LOC112694756: variants seen among roughly 807,000 people sequenced by gnomAD.
the LOC112694756 span, chr16:30,069,972 G>T: frequency 6.2e-7 from 1 of 1,613,924 alleles, no homozygotes; most frequent in East Asian, 2.2e-5. Flanking sequence ...TGAAGGCCTG[G>T]GGCGGGAAGA....
the LOC112694756 span, among the ~76,000 whole-genome samples, chr16:30,053,755 T>C: frequency 1 from 152,283 of 152,318 alleles, 76,124 homozygotes; most frequent in Non-Finnish European, 1. Flanking sequence ...GAGGAAACAG[T>C]CTGGGGGTGA....
the LOC112694756 span, among the ~76,000 whole-genome samples, chr16:30,062,842 GAA>G: frequency 7.6e-5 from 9 of 117,680 alleles, no homozygotes; most frequent in Non-Finnish European, 1.1e-4. Context: ...CTCCATCTCG[GAA>G]AAAAAAAAAA....
chr16:30,068,622 ATGT>A, the LOC112694756 span: 23 of 1,613,826 alleles, frequency 1.4e-5, no homozygotes, highest in Non-Finnish European at 1.7e-5. Flanking sequence ...CTGTGTCTTA[ATGT>A]TGTTACCCTG....
chr16:30,068,418 A>G, the LOC112694756 span: 2 of 601,910 alleles, frequency 3.3e-6, no homozygotes, highest in Non-Finnish European at 6.0e-6. Flanking sequence ...CAGCCCTGAG[A>G]TGCAGTTTAA....
At chr16:30,069,652 A>G in the LOC112694756 span, 2 of 1,613,764 alleles carry the variant, frequency 1.2e-6, no homozygotes, top group Non-Finnish European at 1.7e-6. Flanking sequence ...GCTGCGCCGC[A>G]CAGTGCCCCC....
the LOC112694756 span, chr16:30,069,879 C>A: frequency 6.2e-7 from 1 of 1,614,174 alleles, no homozygotes; most frequent in African/African-American, 1.3e-5. Context: ...CGTCCATCAA[C>A]CTCAATGCCA....
chr16:30,059,333 T>TA, the LOC112694756 span, among the ~76,000 whole-genome samples: 2 of 151,278 alleles, frequency 1.3e-5, no homozygotes, highest in Non-Finnish European at 1.5e-5. Context: ...CCGTCTCTAC[T>TA]AAAATACAAA....
chr16:30,058,050 G>A, the LOC112694756 span, among the ~76,000 whole-genome samples: 115 of 152,264 alleles, frequency 7.6e-4, no homozygotes, highest in African/African-American at 2.6e-3. Context: ...TATTTGAAGT[G>A]AATAGCCAGG....
At chr16:30,058,649 C>T in the LOC112694756 span, among the ~76,000 whole-genome samples, 23 of 152,134 alleles carry the variant, frequency 1.5e-4, no homozygotes, top group African/African-American at 5.1e-4. Flanking sequence ...CCACACCTGG[C>T]TAATTTTTTG....
chr16:30,058,109 A>T, the LOC112694756 span, among the ~76,000 whole-genome samples: 2 of 152,078 alleles, frequency 1.3e-5, no homozygotes, highest in Non-Finnish European at 2.9e-5. Flanking sequence ...CATTGTAAGG[A>T]TAGACTGGGC....
At chr16:30,070,291 G>C in the LOC112694756 span, 1 of 1,425,118 alleles carries the variant, frequency 7.0e-7, no homozygotes, top group South Asian at 1.2e-5. Flanking sequence ...GCCTCCTCGG[G>C]GCTCCAGGCT....
chr16:30,059,283 G>A, the LOC112694756 span, among the ~76,000 whole-genome samples: 1 of 151,928 alleles, frequency 6.6e-6, no homozygotes, highest in African/African-American at 2.4e-5. Flanking sequence ...AGATCACAAG[G>A]TCAGGAGTTC....
chr16:30,066,905 G>T, the LOC112694756 span: 1 of 1,550,034 alleles, frequency 6.5e-7, no homozygotes, highest in Non-Finnish European at 8.7e-7. Context: ...CCCATGGCAA[G>T]GCGCAAGCCA....
At chr16:30,066,171 T>G in the LOC112694756 span, 1 of 152,286 alleles carries the variant, frequency 6.6e-6, no homozygotes, top group African/African-American at 2.4e-5. Context: ...TTCTCCCCCT[T>G]TTCTTGCAGG....
chr16:30,053,819 G>C, the LOC112694756 span, among the ~76,000 whole-genome samples: 1 of 152,164 alleles, frequency 6.6e-6, no homozygotes, highest in Non-Finnish European at 1.5e-5. Context: ...GTTTGGAAGA[G>C]GGGGAGGGAG....
chr16:30,068,229 A>AT, the LOC112694756 span: 19 of 316,550 alleles, frequency 6.0e-5, no homozygotes, highest in Admixed American at 1.3e-4. Context: ...CACCCGGCTA[A>AT]TTTTTTTTGT....
the LOC112694756 span, chr16:30,070,307 G>A: frequency 1.1e-5 from 13 of 1,231,196 alleles, no homozygotes; most frequent in Non-Finnish European, 1.5e-5. Context: ...AGGCTGGCTT[G>A]CCCGCGCTCT....
At chr16:30,063,946 G>C in the LOC112694756 span, 194 of 399,052 alleles carry the variant, frequency 4.9e-4, 1 homozygote, top group East Asian at 6.2e-3. Flanking sequence ...CAGATGGCCT[G>C]CCGAGCACCC....
the LOC112694756 span, among the ~76,000 whole-genome samples, chr16:30,056,107 T>G: frequency 0.012 from 1,703 of 138,706 alleles, 27 homozygotes; most frequent in African/African-American, 0.042. Context: ...CAGCCATGGT[T>G]TTTTTTTTTT....
Sources: gnomAD v4.1 joint callset for allele counts (sites outside exome capture counted in the v4.1 genomes callset) on GRCh38, gnomAD v4.1.1 for gene constraint, MANE v1.5 for transcripts.